The following EPHB1 variants were observed in gnomAD, a reference collection of about 807,000 sequenced individuals.
EPHB1 encodes EPH receptor B1.
In EPHB1, 30 loss-of-function variants were observed where a neutral mutation model predicts 94.4. The observed-to-expected ratio is 0.32, with a 90% CI of 0.24 to 0.43. EPHB1 has a LOEUF of 0.43. Ranked by LOEUF, EPHB1 falls within the 20% of genes least tolerant of loss-of-function variation. The pLI is 1.00. For missense variants in EPHB1, 1,055 were observed against 1,308.3 expected (o/e 0.81, Z 2.99); for synonymous variants, 522 against 489.1 (o/e 1.07, Z -0.89).
At chr3:134,998,123 T>G (rs898597286) in intron 3 of EPHB1, among the ~76,000 whole-genome samples, 2 of 152,256 alleles carry the variant, frequency 1.3e-5, no homozygotes, top group Non-Finnish European at 2.9e-5. Flanking sequence ...ACGGCAGATC[T>G]AAAGCATCTG....
At chr3:135,074,024 T>C (rs1311275846) in intron 3 of EPHB1, among the ~76,000 whole-genome samples, 3 of 152,242 alleles carry the variant, frequency 2.0e-5, no homozygotes, top group East Asian at 3.8e-4. Flanking sequence ...ATGTTGATGT[T>C]AGGGATGTTG....
chr3:134,829,112 A>T (rs1365789705), intron 1 of EPHB1, among the ~76,000 whole-genome samples: 1 of 152,212 alleles, frequency 6.6e-6, no homozygotes, highest in African/African-American at 2.4e-5. Context: ...AAACTCTCAT[A>T]TGGAGTGTGC....
chr3:135,101,906 T>C (rs781143954), intron 3 of EPHB1, among the ~76,000 whole-genome samples: 9 of 152,192 alleles, frequency 5.9e-5, no homozygotes, highest in Non-Finnish European at 1.0e-4. Flanking sequence ...GATCCTGCTG[T>C]ATCAGAAGCA....
chr3:135,140,323 T>C (rs1430925196), intron 5 of EPHB1, among the ~76,000 whole-genome samples: 1 of 152,202 alleles, frequency 6.6e-6, no homozygotes, highest in African/African-American at 2.4e-5. Context: ...GTCAACTCCA[T>C]GAACTGACTG....
At chr3:134,931,120 C>T (rs1029272756) in intron 2 of EPHB1, among the ~76,000 whole-genome samples, 3 of 152,212 alleles carry the variant, frequency 2.0e-5, no homozygotes, top group Non-Finnish European at 4.4e-5. Flanking sequence ...TGCACTGTAA[C>T]ATGTTTGTTG....
At chr3:134,826,085 CA>C (rs34879749) in intron 1 of EPHB1, among the ~76,000 whole-genome samples, 3,977 of 110,386 alleles carry the variant, frequency 0.036, 91 homozygotes, top group Admixed American at 0.081. Flanking sequence ...ACTAAAAATA[CA>C]AAAAAAAAAA....
At chr3:134,913,563 A>G (rs36207) in intron 1 of EPHB1, among the ~76,000 whole-genome samples, 2 of 151,948 alleles carry the variant, frequency 1.3e-5, no homozygotes, top group Non-Finnish European at 2.9e-5. Flanking sequence ...GAAAGACTAT[A>G]GTCTTAAGTT....
chr3:135,162,316 C>T (rs1222690146), intron 7 of EPHB1, 136 bp downstream of exon 7: 3 of 1,036,566 alleles, frequency 2.9e-6, no homozygotes, highest in African/African-American at 1.6e-5. Flanking sequence ...AACGGTTTGC[C>T]TCCCAGTAGG....
chr3:134,830,765 C>T (rs897973243), intron 1 of EPHB1, among the ~76,000 whole-genome samples: 4 of 152,140 alleles, frequency 2.6e-5, no homozygotes, highest in African/African-American at 7.2e-5. Flanking sequence ...GGCCTTGGGC[C>T]GCAGATGCAA....
intron 3 of EPHB1, among the ~76,000 whole-genome samples, chr3:135,071,173 A>T (rs985733564): frequency 2.0e-5 from 3 of 152,224 alleles, no homozygotes; most frequent in African/African-American, 7.2e-5. Context: ...TCAACAATGT[A>T]GAAGGCTTTG....
intron 12 of EPHB1, among the ~76,000 whole-genome samples, chr3:135,221,549 C>CA (rs1049482643): frequency 1.1e-4 from 16 of 152,164 alleles, no homozygotes; most frequent in Admixed American, 5.9e-4. Context: ...GCTCTAATGA[C>CA]AGACAATCTA....
intron 6 of EPHB1, among the ~76,000 whole-genome samples, chr3:135,159,005 A>G (rs1941436665): frequency 6.6e-6 from 1 of 152,134 alleles, no homozygotes; most frequent in South Asian, 2.1e-4. Flanking sequence ...ACTGGACCGA[A>G]GTTTACTGTT....
At chr3:135,165,147 C>T (rs543255554) in intron 7 of EPHB1, among the ~76,000 whole-genome samples, 1 of 152,296 alleles carries the variant, frequency 6.6e-6, no homozygotes, top group East Asian at 1.9e-4. Context: ...TACTAGCCAG[C>T]TGGCCCAAAT....
intron 9 of EPHB1, among the ~76,000 whole-genome samples, chr3:135,177,845 A>G (rs904293965): frequency 6.6e-6 from 1 of 152,146 alleles, no homozygotes; most frequent in Non-Finnish European, 1.5e-5. Context: ...GTTCTTTATA[A>G]CAAGTCAAAA....
chr3:135,160,433 A>G (rs12636659), intron 6 of EPHB1, among the ~76,000 whole-genome samples: 53,071 of 151,920 alleles, frequency 0.35, 9,601 homozygotes, highest in East Asian at 0.57. Context: ...TCATTTTACC[A>G]AGAATACAGT....
chr3:135,058,438 A>G (rs983269250), intron 3 of EPHB1, among the ~76,000 whole-genome samples: 3 of 152,136 alleles, frequency 2.0e-5, no homozygotes, highest in Admixed American at 1.3e-4. Flanking sequence ...TAGGGGCTGT[A>G]TATCTAGCTT....
intron 3 of EPHB1, among the ~76,000 whole-genome samples, chr3:135,015,137 C>T (rs1037598114): frequency 5.9e-5 from 9 of 152,296 alleles, no homozygotes; most frequent in Non-Finnish European, 1.0e-4. Context: ...CAACTGCCCT[C>T]TTGCCTTTTG....
intron 3 of EPHB1, among the ~76,000 whole-genome samples, chr3:135,093,112 G>C (rs149311143): frequency 6.6e-6 from 1 of 152,226 alleles, no homozygotes; most frequent in Non-Finnish European, 1.5e-5. Flanking sequence ...AGAGCACACA[G>C]AAAGTGCTCC....
intron 1 of EPHB1, among the ~76,000 whole-genome samples, chr3:134,881,524 C>T (rs568183072): frequency 2.0e-5 from 3 of 152,150 alleles, no homozygotes; most frequent in Non-Finnish European, 2.9e-5. Context: ...CAGACTGATG[C>T]AGCTATTGGA....
Sources: allele counts gnomAD v4.1 joint callset (sites outside exome capture counted in the v4.1 genomes callset), GRCh38; gene constraint gnomAD v4.1.1; transcripts MANE v1.5; gene names NCBI Gene and HGNC (gene_info 2026-07-23, HGNC 2026-07-21).